The following QRICH1 variants were observed in gnomAD, a reference collection of about 807,000 sequenced individuals.
QRICH1 encodes glutamine rich 1, also known as transcriptional regulator QRICH1.
In QRICH1, 16 loss-of-function variants were observed where a neutral mutation model predicts 87.1. The observed-to-expected ratio is 0.18, with a 90% CI of 0.12 to 0.28. The LOEUF (loss-of-function observed/expected upper bound fraction) is 0.28. Among genes scored for constraint, QRICH1 ranks in the 10% least tolerant of loss-of-function variants. The pLI is 1.00. For missense variants in QRICH1, 647 were observed against 951.7 expected (o/e 0.68, Z 4.21); for synonymous variants, 367 against 368.4 (o/e 1.00, Z 0.05).
chr3:49,070,970 T>C (rs1420845472), intron 2 of QRICH1, among the ~76,000 whole-genome samples: 2 of 151,990 alleles, frequency 1.3e-5, no homozygotes, highest in African/African-American at 4.8e-5. Context: ...AGTGGTGTGA[T>C]CTTGATTCAC....
In QRICH1 at chr3:49,054,067, A is replaced by G. The variant is rs1008140889; in HGVS notation, c.1338+2795T>C. On this transcript the variant is annotated intron_variant, in intron 3 of 9. Transcript: ENST00000395443. ...AATCGGGATTCTTCACAATTTTTCT[A>G]TTTCTGGTAATAATAACTTCATGTA... Among the ~76,000 whole-genome samples the G allele has an allele frequency of 1.3e-5, 2 of 152,114 alleles. 1 individual carries two copies. The highest frequency in any genetic ancestry group is 4.8e-5 in the African/African-American group (2 of 41,420).
At chr3:49,082,928 G>C (rs567221915) in intron 1 of QRICH1, among the ~76,000 whole-genome samples, 1 of 151,190 alleles carries the variant, frequency 6.6e-6, no homozygotes, top group Non-Finnish European at 1.5e-5. Flanking sequence ...GGCCAGGTGT[G>C]GTGACTCACG....
intron 2 of QRICH1, among the ~76,000 whole-genome samples, chr3:49,068,828 G>A (rs1276468152): frequency 6.6e-5 from 10 of 151,462 alleles, no homozygotes; most frequent in Non-Finnish European, 4.4e-5. Flanking sequence ...TGGGAGTTTT[G>A]CCATGTTGCC....
At chr3:49,062,913 T>C (rs951964239) in intron 2 of QRICH1, among the ~76,000 whole-genome samples, 2 of 151,050 alleles carry the variant, frequency 1.3e-5, no homozygotes, top group African/African-American at 4.9e-5. Context: ...GACAGGAGAA[T>C]GGCGTGAACC....
intron 6 of QRICH1, among the ~76,000 whole-genome samples, chr3:49,040,056 G>A (rs1346183272): frequency 2.6e-5 from 4 of 152,190 alleles, no homozygotes; most frequent in African/African-American, 7.2e-5. Context: ...GTGAGACTCC[G>A]TCTCAAAAGC....
chr3:49,078,924 TC>T (rs2042004687), intron 1 of QRICH1, among the ~76,000 whole-genome samples: 1 of 151,466 alleles, frequency 6.6e-6, no homozygotes, highest in African/African-American at 2.4e-5. Flanking sequence ...ACTCCTGACT[TC>T]AGGTGACCCT....
At chr3:49,061,058 C>T (rs1417609242) in intron 2 of QRICH1, among the ~76,000 whole-genome samples, 1 of 144,762 alleles carries the variant, frequency 6.9e-6, no homozygotes, top group South Asian at 2.2e-4. Flanking sequence ...TAGCTTGAAC[C>T]CAGGAGGCGG....
At chr3:49,038,696 C>T (rs1022928648) in intron 6 of QRICH1, among the ~76,000 whole-genome samples, 14 of 152,118 alleles carry the variant, frequency 9.2e-5, no homozygotes, top group African/African-American at 3.4e-4. Flanking sequence ...GGAATTCAGG[C>T]GTGAGCCACT....
intron 2 of QRICH1, among the ~76,000 whole-genome samples, chr3:49,067,282 T>G (rs974054514): frequency 6.6e-6 from 1 of 151,956 alleles, no homozygotes; most frequent in African/African-American, 2.4e-5. Context: ...AGAGTAAATT[T>G]AACGGCTGGG....
At chr3:49,056,689 T>C in intron 3 of QRICH1, 173 bp downstream of exon 3, 1 of 1,201,478 alleles carries the variant, frequency 8.3e-7, no homozygotes, top group East Asian at 2.3e-5. Context: ...TAAACTCTTT[T>C]TTCTGTTGCA....
intron 1 of QRICH1, among the ~76,000 whole-genome samples, chr3:49,089,053 CTTTTTTTCTTTTCTT>C (rs1411988136): frequency 6.6e-6 from 1 of 151,530 alleles, no homozygotes; most frequent in Non-Finnish European, 1.5e-5. Context: ...GTTCTATTTT[CTTTTTTTCTTTTCTT>C]TTTTTTTTTT....
chr3:49,084,538 G>A (rs1282660943), intron 1 of QRICH1, among the ~76,000 whole-genome samples: 2 of 152,128 alleles, frequency 1.3e-5, no homozygotes, highest in Admixed American at 6.6e-5. Flanking sequence ...ACAGGCGTGA[G>A]CCATCACATC....
intron 2 of QRICH1, among the ~76,000 whole-genome samples, chr3:49,072,245 T>A (rs898436981): frequency 6.6e-6 from 1 of 152,078 alleles, no homozygotes; most frequent in Non-Finnish European, 1.5e-5. Context: ...ATAATGCCAC[T>A]GCACTCTAGT....
intron 2 of QRICH1, among the ~76,000 whole-genome samples, chr3:49,068,630 C>A (rs1376468895): frequency 6.7e-6 from 1 of 150,182 alleles, no homozygotes; most frequent in African/African-American, 2.4e-5. Context: ...GCTAAAATTT[C>A]TTTCTTTTTT....
chr3:49,044,265 A>G (rs1000847096), intron 6 of QRICH1, 125 bp downstream of exon 6: 10 of 752,296 alleles, frequency 1.3e-5, no homozygotes, highest in Admixed American at 5.1e-5. Context: ...ACAGTGGCCA[A>G]TGCTGCTGCA....
At chr3:49,034,041 T>C (rs1258103238) in intron 6 of QRICH1, among the ~76,000 whole-genome samples, 1 of 151,356 alleles carries the variant, frequency 6.6e-6, no homozygotes, top group Non-Finnish European at 1.5e-5. Flanking sequence ...TATTGTCATT[T>C]CTTCTCTAGA....
rs148841643 is a variant in QRICH1, at chr3:49,070,335, G to A, written c.309+6374C>T. ...TTACAAGCATGAGCCACCACGCCTG[G>A]CCTTTCATCACCTAATTCTGTCTAC... On this transcript the variant is annotated intron_variant, in intron 2 of 9. Coordinates refer to ENST00000395443, the MANE Select transcript of QRICH1 (RefSeq NM_198880.3). Among the ~76,000 whole-genome samples the A allele has an allele frequency of 3.2e-3, 493 of 152,188 alleles. 5 individuals carry two copies. The highest frequency in any genetic ancestry group is 4.9e-3 in the Non-Finnish European group (331 of 68,008).
intron 4 of QRICH1, 127 bp from the exon 5 acceptor site, chr3:49,046,706 C>T: frequency 2.8e-6 from 3 of 1,062,686 alleles, no homozygotes; most frequent in South Asian, 1.6e-5. Context: ...ATGTTTCATG[C>T]CTGTAATGTC....
At chr3:49,073,817 TTTC>T (rs1205323626) in intron 2 of QRICH1, among the ~76,000 whole-genome samples, 3 of 151,832 alleles carry the variant, frequency 2.0e-5, no homozygotes, top group Non-Finnish European at 4.4e-5. Flanking sequence ...CAGCTAATTT[TTTC>T]TTATTTTTGG....
Sources: allele counts gnomAD v4.1 joint callset (sites outside exome capture counted in the v4.1 genomes callset), GRCh38; gene constraint gnomAD v4.1.1; transcripts MANE v1.5; gene names NCBI Gene and HGNC (gene_info 2026-07-23, HGNC 2026-07-21).